SOX6: variants seen among roughly 807,000 people sequenced by gnomAD.
SOX6 encodes transcription factor SOX-6.
A neutral mutation model predicts 97.8 loss-of-function variants in SOX6; 11 were observed. That is an observed-to-expected ratio of 0.11 (90% CI 0.07 to 0.19). The LOEUF is 0.19. SOX6 is among the 10% of genes least tolerant of loss of function. The pLI, the probability that SOX6 is intolerant of heterozygous loss-of-function variation, is 1.00. For missense variants in SOX6, 810 were observed against 1,039.5 expected, an observed-to-expected ratio of 0.78 and a Z score of 3.04; for synonymous variants, 360 against 371.4, an observed-to-expected ratio of 0.97 and a Z score of 0.35.
chr11:16,153,550 T>C (rs983033558), intron 6 of SOX6, among the ~76,000 whole-genome samples: 2 of 152,090 alleles, frequency 1.3e-5, no homozygotes, highest in African/African-American at 4.8e-5. Context: ...TAAAAACCCA[T>C]ACCACTCACT....
chr11:16,680,718 C>G (rs1309421334), intron 3 of SOX6, among the ~76,000 whole-genome samples: 1 of 152,162 alleles, frequency 6.6e-6, no homozygotes, highest in Non-Finnish European at 1.5e-5. Context: ...AGACCCATCT[C>G]ATGTGCAGAG....
intron 3 of SOX6, among the ~76,000 whole-genome samples, chr11:16,695,813 C>CT (rs1328512818): frequency 6.6e-6 from 1 of 151,692 alleles, no homozygotes; most frequent in African/African-American, 2.4e-5. Flanking sequence ...CATGGTGAGA[C>CT]CCCGTCTCTA....
intron 3 of SOX6, among the ~76,000 whole-genome samples, chr11:16,257,618 G>A (rs1853733628): frequency 6.6e-6 from 1 of 151,756 alleles, no homozygotes; most frequent in African/African-American, 2.4e-5. Flanking sequence ...AGATAACATA[G>A]GAGAAAACTT....
intron 4 of SOX6, among the ~76,000 whole-genome samples, chr11:16,516,540 C>T (rs1326182500): frequency 6.6e-6 from 1 of 152,040 alleles, no homozygotes; most frequent in Non-Finnish European, 1.5e-5. Flanking sequence ...TCAGAGAATA[C>T]TACAAACACC....
chr11:16,311,880 T>C (rs1855612493), intron 3 of SOX6: 1 of 152,172 alleles, frequency 6.6e-6, no homozygotes, highest in African/African-American at 2.4e-5. Flanking sequence ...TATATTTCAG[T>C]GAAAATATAT....
intron 1 of SOX6, among the ~76,000 whole-genome samples, chr11:16,452,765 T>C (rs1429871312): frequency 6.6e-6 from 1 of 152,050 alleles, no homozygotes; most frequent in East Asian, 1.9e-4. Context: ...AAAATGGACA[T>C]ATAAATAACT....
intron 3 of SOX6, among the ~76,000 whole-genome samples, chr11:16,709,154 G>A (rs115758190): frequency 5.3e-5 from 8 of 152,250 alleles, no homozygotes; most frequent in East Asian, 1.9e-4. Context: ...TCATTGGAGC[G>A]GATCTCTCAT....
In SOX6 at chr11:16,543,149, T is replaced by C. The variant is rs535262428; in HGVS notation, n.610-66761A>G. The stretch of plus-strand genomic sequence containing the variant: ...GTACATTATTAAGGAACTCTTTATC[T>C]TGGAACTCTTTATCTTAAATGCAAA... On this transcript the variant is annotated intron_variant and non_coding_transcript_variant, in intron 4 of 5. Transcript: ENST00000524520. Among the ~76,000 whole-genome samples the C allele has an allele frequency of 1.9e-4, 29 of 152,264 alleles. No homozygotes were observed. The East Asian group carries it at 5.0e-3, about 26-fold the overall frequency.
intron 13 of SOX6, among the ~76,000 whole-genome samples, chr11:16,014,060 C>T (rs1854811382): frequency 2.0e-5 from 3 of 152,024 alleles, no homozygotes; most frequent in Admixed American, 1.3e-4. Context: ...TCTTCCCTGA[C>T]TGGTGGGACA....
chr11:16,368,072 A>G (rs1482674405), intron 1 of SOX6, among the ~76,000 whole-genome samples: 1 of 152,156 alleles, frequency 6.6e-6, no homozygotes, highest in African/African-American at 2.4e-5. Context: ...ATGTTAAGTG[A>G]GGACTTACTA....
At chr11:16,138,861 C>T (rs1471930771) in intron 6 of SOX6, among the ~76,000 whole-genome samples, 1 of 152,108 alleles carries the variant, frequency 6.6e-6, no homozygotes, top group African/African-American at 2.4e-5. Context: ...TCATCCTTGT[C>T]CCTACAAAGG....
intron 3 of SOX6, among the ~76,000 whole-genome samples, chr11:16,253,243 G>C (rs959667827): frequency 6.6e-6 from 1 of 151,972 alleles, no homozygotes; most frequent in African/African-American, 2.4e-5. Flanking sequence ...CAGCTATTCA[G>C]GAGGCTGAGG....
Position 16,734,617 on chromosome 11 carries a change from C to T in SOX6, n.353+1722G>A, listed in dbSNP as rs564196251. 1.3e-3 allele frequency among the ~76,000 whole-genome samples: 195 copies of T among 152,316 alleles called. 2 individuals are homozygous for T. The highest frequency in any genetic ancestry group is 4.1e-4 in the Non-Finnish European group (28 of 68,022). ...GTGATTTCTAAGTTTATTGCTCTCT[C>T]CTAACTTTGAAGCCCATATTTTTAA... On this transcript the variant is annotated intron_variant and non_coding_transcript_variant, in intron 2 of 5. Coordinates refer to the SOX6 transcript ENST00000524520.
intron 9 of SOX6, 86 bp downstream of exon 9, chr11:16,095,910 A>G: frequency 1.4e-6 from 2 of 1,410,722 alleles, no homozygotes; most frequent in Non-Finnish European, 9.8e-7. Flanking sequence ...AGTGTTTGCC[A>G]CTTTAAAAAA....
chr11:16,448,951 G>C (rs994628236), intron 1 of SOX6, among the ~76,000 whole-genome samples: 10 of 152,154 alleles, frequency 6.6e-5, no homozygotes, highest in African/African-American at 2.2e-4. Context: ...AGAAACCCTT[G>C]AGCCTAGGAG....
intron 2 of SOX6, among the ~76,000 whole-genome samples, chr11:16,725,518 T>C (rs566383735): frequency 6.6e-4 from 99 of 149,572 alleles, no homozygotes; most frequent in Admixed American, 3.6e-3. Context: ...AGAAAAAAAA[T>C]GCTAAGTGAA....
At chr11:16,264,137 G>A (rs1853994037) in intron 3 of SOX6, among the ~76,000 whole-genome samples, 1 of 151,704 alleles carries the variant, frequency 6.6e-6, no homozygotes, top group Non-Finnish European at 1.5e-5. Flanking sequence ...TATATGAAAA[G>A]TAGTCACTCA....
chr11:16,283,808 C>T (rs1042223743), intron 3 of SOX6: 50 of 331,358 alleles, frequency 1.5e-4, no homozygotes, highest in African/African-American at 1.1e-3. Flanking sequence ...TGCTAATGTT[C>T]GATAATTTCA....
At chr11:16,581,941 A>G (rs1461834102) in intron 4 of SOX6, among the ~76,000 whole-genome samples, 1 of 147,716 alleles carries the variant, frequency 6.8e-6, no homozygotes, top group Admixed American at 6.8e-5. Flanking sequence ...AACCTGGGCG[A>G]CAGAGTGAGA....
Sources: gnomAD v4.1 joint callset for allele counts (sites outside exome capture counted in the v4.1 genomes callset) on GRCh38, gnomAD v4.1.1 for gene constraint, MANE v1.5 for transcripts, NCBI Gene and HGNC (gene_info 2026-07-23, HGNC 2026-07-21) for gene names.